Variants in HIF3A observed in about 807,000 individuals in gnomAD.
The protein encoded by HIF3A is hypoxia-inducible factor 3-alpha.
Under a neutral mutation model 67.2 loss-of-function variants are expected in HIF3A, and 41 were observed. The ratio of observed to expected loss-of-function variants is 0.61; its 90% CI spans 0.48 to 0.79. HIF3A has a LOEUF of 0.79. Among genes scored for constraint, HIF3A ranks in the 30% least tolerant of loss-of-function variants. The pLI is 0.00. For synonymous variants in HIF3A, 356 were observed against 374.8 expected (o/e 0.95, Z 0.58); for missense variants, 855 against 898.0 (o/e 0.95, Z 0.61).
chr19:46,304,331 G>A, intron 2 of HIF3A: 1 of 571,200 alleles, frequency 1.8e-6, no homozygotes, highest in Non-Finnish European at 3.1e-6. Context: ...GTGAGGCCCC[G>A]CCCCTGGAAC....
chr19:46,322,830 C>T (rs750466384), intron 10 of HIF3A, among the ~76,000 whole-genome samples: 37 of 152,050 alleles, frequency 2.4e-4, no homozygotes, highest in Non-Finnish European at 4.0e-4. Context: ...GGATATTGCA[C>T]GGATACGGAT....
Position 46,339,443 on chromosome 19 carries a change from C to A in HIF3A, c.1913-82C>A, listed in dbSNP as rs898641561. 29 of 883,044 alleles carry A rather than the reference C, an allele frequency of 3.3e-5. No individual in the cohort carries two copies. The African/African-American group carries it at 4.9e-4, about 15-fold the overall frequency. 54.7% of individuals were successfully genotyped at this position (883,044 alleles called of 1,614,324 possible). A position where few individuals can be genotyped will look rare whatever the true frequency, so the allele number is the denominator to read the frequency against. ...TTTCCTTAAGATTTTAAACATTATT[C>A]CTGACATTGGGGTTATGGTTGTCCT... On this transcript the variant is annotated intron_variant, in intron 14 of 14. Coordinates refer to ENST00000377670, the MANE Select transcript of HIF3A (RefSeq NM_152795.4).
intron 8 of HIF3A, among the ~76,000 whole-genome samples, chr19:46,314,393 A>C (rs2147190277): frequency 6.8e-6 from 1 of 146,060 alleles, no homozygotes; most frequent in African/African-American, 2.5e-5. Flanking sequence ...AAAAAAAAAA[A>C]CAAACACAAA....
chr19:46,320,215 G>A (rs1970255588), intron 8 of HIF3A: 2 of 464,540 alleles, frequency 4.3e-6, no homozygotes, highest in Non-Finnish European at 7.7e-6. Flanking sequence ...GGGCGACAGA[G>A]TGAGACCTTG....
intron 8 of HIF3A, among the ~76,000 whole-genome samples, chr19:46,314,120 C>G (rs1370125298): frequency 2.6e-5 from 4 of 151,530 alleles, no homozygotes; most frequent in Non-Finnish European, 5.9e-5. Context: ...TGTAAACATT[C>G]TCATACAAGA....
In HIF3A at chr19:46,334,910, C is replaced by A; in HGVS notation, c.1836C>A (p.Phe612Leu). Reference protein sequence around the residue: ...NFLLFPLSLSFLLTGGPAPGS... With the variant: ...NFLLFPLSLSLLLTGGPAPGS... ...GCTTTGTCTCTCTCCCACAGAGTTT[C>A]CTTCTGACAGGAGGACCAGCCCCAG... The change falls in exon 14 of 15, where the codon TTC (phenylalanine) becomes TTA (leucine). Residue 612 changes from phenylalanine (F) to leucine (L), a missense_variant. Physicochemically the swap from Phe to Leu is conservative, Grantham distance 22. Coordinates refer to ENST00000377670, the MANE Select transcript of HIF3A (RefSeq NM_152795.4). 6.2e-7 allele frequency: 1 copy of A among 1,608,838 alleles called. No individual in the cohort carries two copies.
chr19:46,331,117 G>C, intron 12 of HIF3A, 39 bp from the exon 13 acceptor site: 1 of 1,540,086 alleles, frequency 6.5e-7, no homozygotes, highest in Non-Finnish European at 8.9e-7. Flanking sequence ...ACTTGCCCAG[G>C]TTTGCTGTGT....
intron 14 of HIF3A, among the ~76,000 whole-genome samples, chr19:46,335,247 C>CATTTATTTATTTATTTATTTATTT (rs374748726): frequency 1.4e-5 from 2 of 146,186 alleles, no homozygotes; most frequent in African/African-American, 5.2e-5. Flanking sequence ...CCTATGATCA[C>CATTTATTTATTTATTTATTTATTT]ATTTATTTAT....
chr19:46,321,811 C>G lies in HIF3A; in HGVS notation c.1180C>G (p.Pro394Ala), dbSNP rs763631768. The G allele has an allele frequency of 1.9e-6, 3 of 1,613,884 alleles. No individual in the cohort carries two copies. The highest frequency in any genetic ancestry group is 2.5e-6 in the Non-Finnish European group (3 of 1,179,996). Reference protein sequence around the residue: ...PGPRILAFLHPPSLSEAALAA... With the variant: ...PGPRILAFLHAPSLSEAALAA... The stretch of plus-strand genomic sequence containing the variant: ...CCCCCGGATCCTTGCCTTCCTGCAC[C>G]CGCCTTCCCTGAGCGAGGCTGCCCT... The change falls in exon 10 of 15, where the codon CCG becomes GCG. Residue 394 changes from proline to alanine, a missense_variant. Transcript: ENST00000377670.
chr19:46,325,565 A>G lies in HIF3A; in HGVS notation c.1366A>G (p.Thr456Ala), dbSNP rs1330619612. ...TCTCCCAGATGAACTACCTGTGGGC[A>G]CCGAGAATGTGCACAGACTCTTCAC... ...ADLPDELPVG[T>A]ENVHRLFTSG... Residue 456 changes from threonine to alanine, a missense_variant, in exon 11 of 15, where the codon ACC (threonine) becomes GCC (alanine). Thr to Ala is a moderately conservative substitution (Grantham distance 58, BLOSUM62 0). This residue lies in a region of HIF3A where 638 missense variants were observed against 660.5 expected (regional missense o/e 0.97). Coordinates refer to ENST00000377670, the MANE Select transcript of HIF3A (RefSeq NM_152795.4). The G allele has an allele frequency of 5.0e-6, 8 of 1,613,378 alleles. No individual in the cohort carries two copies. In the East Asian group the frequency reaches 1.6e-4, roughly 31 times the overall value.
chr19:46,308,424 G>A, intron 4 of HIF3A, 119 bp downstream of exon 4: 1 of 723,984 alleles, frequency 1.4e-6, no homozygotes, highest in Non-Finnish European at 2.4e-6. Flanking sequence ...AGGAAGAGGA[G>A]AGATGGCCCT....
Position 46,297,159 on chromosome 19 carries a change from C to T in HIF3A, c.26+57C>T, listed in dbSNP as rs1967919232. The T allele has an allele frequency of 9.6e-7, 1 of 1,041,466 alleles. No individual in the cohort carries two copies. Among genetic ancestry groups the T allele is most frequent in the Admixed American group, 3.1e-5 (1 of 32,198 alleles). 64.5% of individuals were successfully genotyped at this position (1,041,466 alleles called of 1,614,324 possible). On this transcript the variant is annotated intron_variant, in intron 1 of 14. Transcript: ENST00000377670. The surrounding 1 kb of genome is among the most constrained non-coding windows in gnomAD (Gnocchi z 4.5). ...ATTGGGGGGCTCTCCTCCTGGAGAC[C>T]CCTGAGCTGGATTGTTGGGGGGGGT...
At position 46,340,462 on chromosome 19, in the gene HIF3A, CCTT is replaced by C. The variant is rs1971894989; in HGVS notation, c.*845_*847del. On this transcript the variant is annotated 3_prime_UTR_variant, in exon 15 of 15. Transcript: ENST00000377670. Reference sequence around the variant, plus strand: ...TGCTTTAGATCACCTTCTTCTTCTTCCTTCTTCCTCTTCCTCTTCCTCCTGCTC... The same window carrying C: ...TGCTTTAGATCACCTTCTTCTTCTTCCTTCCTCTTCCTCTTCCTCCTGCTC... 6.4e-6 allele frequency: 1 copy of C among 155,732 alleles called. No individual in the cohort carries two copies. Among genetic ancestry groups the C allele is most frequent in the East Asian group, 1.9e-4 (1 of 5,280 alleles). The allele number at this position is 155,732 out of a possible 1,614,324, so 9.6% of individuals were successfully genotyped here.
chr19:46,316,067 C>A (rs1969892584), intron 8 of HIF3A, among the ~76,000 whole-genome samples: 1 of 152,058 alleles, frequency 6.6e-6, no homozygotes. Context: ...TCCATCTCTA[C>A]TAAAAATACA....
intron 2 of HIF3A, 179 bp from the exon 3 acceptor site, chr19:46,305,066 T>C: frequency 1.2e-6 from 1 of 839,384 alleles, no homozygotes; most frequent in South Asian, 1.4e-5. Flanking sequence ...ATTCCAGTGC[T>C]TCTTGGTCCT....
At chr19:46,324,263 T>A (rs1199583282) in intron 10 of HIF3A, among the ~76,000 whole-genome samples, 1 of 152,198 alleles carries the variant, frequency 6.6e-6, no homozygotes, top group Non-Finnish European at 1.5e-5. Flanking sequence ...TAAGTGACAG[T>A]ATTCATGAGA....
At chr19:46,300,588 G>A (rs978217741) in intron 1 of HIF3A, among the ~76,000 whole-genome samples, 11 of 152,202 alleles carry the variant, frequency 7.2e-5, no homozygotes, top group Non-Finnish European at 1.6e-4. Context: ...TTGAAACTGG[G>A]AGGCAGAGGT....
chr19:46,298,272 T>C (rs1370569188), intron 1 of HIF3A: 1 of 515,692 alleles, frequency 1.9e-6, no homozygotes, highest in Non-Finnish European at 3.2e-6. Context: ...AACAAGGAAC[T>C]CTATCCCACC....
chr19:46,336,085 CTTTTTTTTTTT>C lies in HIF3A; in HGVS notation c.1912+1115_1912+1125del, dbSNP rs1017798750. Among the ~76,000 whole-genome samples the C allele has an allele frequency of 3.8e-5, 3 of 79,370 alleles. 1 individual carries two copies. The highest frequency in any genetic ancestry group is 3.3e-4 in the Admixed American group (2 of 6,002). The allele number at this position is 79,370 out of a possible 152,430, so 52.1% of individuals were successfully genotyped here. On this transcript the variant is annotated intron_variant, in intron 14 of 14. Transcript: ENST00000377670. Reference sequence around the variant, plus strand: ...TTTTATTTTCTTTCTCTCTCTCTCTCTTTTTTTTTTTTTTTTTTTTTTTTTTGAGACAGAGT... The same window carrying C: ...TTTTATTTTCTTTCTCTCTCTCTCTCTTTTTTTTTTTTTTTGAGACAGAGT...
Sources: gnomAD v4.1 joint callset for allele counts (sites outside exome capture counted in the v4.1 genomes callset) on GRCh38, gnomAD v4.1.1 for gene constraint, gnomAD v4.1.1 regional missense constraint, Gnocchi (gnomAD v3.1) non-coding constraint, MANE v1.5 for transcripts, NCBI Gene and HGNC (gene_info 2026-07-23, HGNC 2026-07-21) for gene names.